The following USP32 variants were observed in gnomAD, a reference collection of about 807,000 sequenced individuals.
USP32 encodes ubiquitin carboxyl-terminal hydrolase 32.
In USP32, 59 loss-of-function variants were observed where a neutral mutation model predicts 204.8. That is an observed-to-expected ratio of 0.29 (90% confidence interval 0.23 to 0.36). The LOEUF is 0.36. Ranked by LOEUF, USP32 falls within the 10% of genes least tolerant of loss-of-function variation. The pLI is 1.00. For synonymous variants in USP32, 517 were observed against 678.4 expected (o/e 0.76, Z 3.70); for missense variants, 1,160 against 1,946.4 (o/e 0.60, Z 7.60).
chr17:60,325,559 A>G (rs1292125998), intron 2 of USP32, among the ~76,000 whole-genome samples: 3 of 152,186 alleles, frequency 2.0e-5, no homozygotes, highest in Non-Finnish European at 4.4e-5. Context: ...TTTGTCAGGG[A>G]GGGATGTAAG....
intron 12 of USP32, among the ~76,000 whole-genome samples, chr17:60,228,822 T>G (rs1303189242): frequency 1.3e-5 from 2 of 149,754 alleles, no homozygotes; most frequent in Non-Finnish European, 3.0e-5. Flanking sequence ...AGACTCTTTG[T>G]TTTTTTTGTT....
intron 1 of USP32, among the ~76,000 whole-genome samples, chr17:60,370,739 G>A (rs2089422890): frequency 6.9e-6 from 1 of 145,608 alleles, no homozygotes; most frequent in Admixed American, 7.0e-5. Flanking sequence ...TCCAGCCTGA[G>A]TGACAGAGTG....
chr17:60,236,436 A>T (rs1238650622), intron 11 of USP32, among the ~76,000 whole-genome samples, 196 bp from the exon 12 acceptor site: 1 of 152,250 alleles, frequency 6.6e-6, no homozygotes, highest in Non-Finnish European at 1.5e-5. Context: ...GGGCAGTATC[A>T]AGAATAATTA....
chr17:60,206,924 A>G lies in USP32; in HGVS notation c.3037+97T>C, dbSNP rs148525964. 2.4e-4 allele frequency: 365 copies of G among 1,510,884 alleles called. 1 individual carries two copies. In the African/African-American group the frequency reaches 4.6e-3, roughly 19 times the overall value. The allele number at this position is 1,510,884 out of a possible 1,614,324, so 93.6% of individuals were successfully genotyped here. The stretch of plus-strand genomic sequence containing the variant: ...CCTTGGGTTCCAAAATTCTTCTGCT[A>G]TAATATCCTCAGCATGAACAAATAT... On this transcript the variant is annotated intron_variant, in intron 25 of 33. Transcript: ENST00000300896.
intron 5 of USP32, among the ~76,000 whole-genome samples, chr17:60,281,832 G>A (rs1335286213): frequency 2.0e-5 from 3 of 152,168 alleles, no homozygotes; most frequent in South Asian, 2.1e-4. Context: ...CTGGAGGTCT[G>A]TAAAGTACAA....
intron 2 of USP32, among the ~76,000 whole-genome samples, chr17:60,317,067 G>A (rs1455150548): frequency 6.6e-6 from 1 of 152,090 alleles, no homozygotes; most frequent in Non-Finnish European, 1.5e-5. Context: ...TGCTTAACAG[G>A]TACAGTATTT....
intron 1 of USP32, among the ~76,000 whole-genome samples, chr17:60,349,610 T>TA (rs2088885929): frequency 1.5e-5 from 1 of 66,584 alleles, no homozygotes; most frequent in Non-Finnish European, 2.4e-5. Context: ...TATATATATA[T>TA]ATATATATAT....
Position 60,225,969 on chromosome 17 carries a change from AAG to A in USP32, c.1432+68_1432+69del. On this transcript the variant is annotated intron_variant, in intron 13 of 33. Coordinates refer to ENST00000300896, the MANE Select transcript of USP32 (RefSeq NM_032582.4). ...CTCAGTCTCAAAAAAAAAAAAAAAA[AAG>A]AAAAGAAAAGAAAGACCTATCCAGG... 7.8e-6 allele frequency: 11 copies of A among 1,418,318 alleles called. No individual in the cohort carries two copies. The East Asian group carries it at 1.0e-4, about 13-fold the overall frequency. The allele number at this position is 1,418,318 out of a possible 1,614,324, so 87.9% of individuals were successfully genotyped here. A position where few individuals can be genotyped will look rare whatever the true frequency, so the allele number is the denominator to read the frequency against.
intron 24 of USP32, chr17:60,207,805 G>A: frequency 2.5e-6 from 1 of 395,828 alleles, no homozygotes; most frequent in South Asian, 4.5e-5. Flanking sequence ...GACACAGCTA[G>A]AACACTCCAT....
At chr17:60,220,255 G>A (rs2085210594) in intron 15 of USP32, among the ~76,000 whole-genome samples, 1 of 152,054 alleles carries the variant, frequency 6.6e-6, no homozygotes, top group Non-Finnish European at 1.5e-5. Flanking sequence ...ACTATTGCCA[G>A]TAATGTGTAA....
intron 2 of USP32, among the ~76,000 whole-genome samples, chr17:60,332,632 G>C (rs1305306904): frequency 6.6e-6 from 1 of 152,052 alleles, no homozygotes; most frequent in Non-Finnish European, 1.5e-5. Context: ...TGGGCAACAA[G>C]AGAGAAACTC....
intron 1 of USP32, chr17:60,421,845 G>A: frequency 1.0e-6 from 1 of 985,226 alleles, no homozygotes; most frequent in South Asian, 4.7e-5. Context: ...CCGCCTGGTG[G>A]CTGCGCACAC....
In USP32 at chr17:60,252,442, C is replaced by T. The variant is rs2086192565; in HGVS notation, c.1075G>A (p.Val359Met). The part of the protein sequence containing the change: ...ANEFLNLLFQ[V>M]CHIVLGLRPA... ...CTTAACCCCAGAACTATGTGACACACCTAGGGAAAAAAATGGTAAATCAAA... is the reference window on the plus strand; with the variant it reads ...CTTAACCCCAGAACTATGTGACACATCTAGGGAAAAAAATGGTAAATCAAA... Residue 359 changes from valine to methionine, a missense_variant and splice_region_variant, in exon 11 of 34, where the codon GTG (valine) becomes ATG (methionine). Transcript: ENST00000300896. 1 of 1,604,534 alleles carries T rather than the reference C, an allele frequency of 6.2e-7. No homozygotes were observed. The highest frequency in any genetic ancestry group is 8.5e-7 in the Non-Finnish European group (1 of 1,175,912).
intron 4 of USP32, 71 bp from the exon 5 acceptor site, chr17:60,288,753 G>A: frequency 7.3e-7 from 1 of 1,361,768 alleles, no homozygotes; most frequent in Non-Finnish European, 1.0e-6. Context: ...TGCACAACCT[G>A]AAATTTGCAA....
At chr17:60,215,502 T>C (rs976850578) in intron 16 of USP32, among the ~76,000 whole-genome samples, 1 of 149,848 alleles carries the variant, frequency 6.7e-6, no homozygotes, top group Non-Finnish European at 1.5e-5. Context: ...AAAAAAAAAC[T>C]CAGTGGAGGA....
At chr17:60,264,316 C>A (rs1341244608) in intron 9 of USP32, among the ~76,000 whole-genome samples, 3 of 138,790 alleles carry the variant, frequency 2.2e-5, no homozygotes, top group Middle Eastern at 4.3e-3. Flanking sequence ...CAGGAGTTTG[C>A]AACCAGCCTG....
intron 7 of USP32, among the ~76,000 whole-genome samples, chr17:60,268,158 T>G (rs918549683): frequency 1.3e-5 from 2 of 152,158 alleles, no homozygotes; most frequent in Non-Finnish European, 2.9e-5. Flanking sequence ...TGCTAACAAT[T>G]AGAACACCAG....
In USP32 at chr17:60,178,744, T is replaced by A. The variant is rs1490844900; in HGVS notation, c.*511A>T. Among the ~76,000 whole-genome samples the A allele has an allele frequency of 6.6e-6, 1 of 152,256 alleles. No homozygotes were observed. The highest frequency in any genetic ancestry group is 2.4e-5 in the African/African-American group (1 of 41,474). On this transcript the variant is annotated 3_prime_UTR_variant, in exon 34 of 34. Coordinates refer to ENST00000300896, the MANE Select transcript of USP32 (RefSeq NM_032582.4). ...AAATAAATTGAAAAATCCTCGTCCA[T>A]GCCTTAAGAATCATTTGCACACCTT...
chr17:60,306,213 C>T (rs977739717), intron 2 of USP32, among the ~76,000 whole-genome samples: 4 of 152,134 alleles, frequency 2.6e-5, no homozygotes, highest in Admixed American at 1.3e-4. Context: ...ATTTAGAAGA[C>T]GGAGTGTGAA....
Sources: gnomAD v4.1 joint callset for allele counts (sites outside exome capture counted in the v4.1 genomes callset) on GRCh38, gnomAD v4.1.1 for gene constraint, MANE v1.5 for transcripts, NCBI Gene and HGNC (gene_info 2026-07-23, HGNC 2026-07-21) for gene names.